Variants in EPHA6 observed in about 807,000 individuals in gnomAD.
The protein encoded by EPHA6 is ephrin type-A receptor 6.
A neutral mutation model predicts 112.0 loss-of-function variants in EPHA6; 50 were observed. That is an observed-to-expected ratio of 0.45 (90% CI 0.36 to 0.56). The LOEUF (loss-of-function observed/expected upper bound fraction) is 0.56, where lower values mean the gene tolerates loss of function less well. Among genes scored for constraint, EPHA6 ranks in the 20% least tolerant of loss-of-function variants. The pLI is 0.00. For missense variants in EPHA6, 1,280 were observed against 1,417.4 expected (o/e 0.90, Z 1.56); for synonymous variants, 529 against 490.7 (o/e 1.08, Z -1.03).
At chr3:97,427,414 T>G (rs1377191253) in intron 6 of EPHA6, among the ~76,000 whole-genome samples, 1 of 152,126 alleles carries the variant, frequency 6.6e-6, no homozygotes, top group African/African-American at 2.4e-5. Context: ...CTGGAGGCCA[T>G]CATCCTTTGC....
At chr3:96,905,641 A>T (rs1311368402) in intron 2 of EPHA6, among the ~76,000 whole-genome samples, 5 of 151,990 alleles carry the variant, frequency 3.3e-5, no homozygotes, top group African/African-American at 1.2e-4. Context: ...TGTTTTTTTC[A>T]CTTGTGGAAA....
chr3:97,441,335 A>G (rs1339193381), intron 6 of EPHA6: 2 of 396,640 alleles, frequency 5.0e-6, no homozygotes, highest in Non-Finnish European at 6.8e-6. Flanking sequence ...TTTATTGAGA[A>G]AAACATAAAA....
At chr3:97,022,172 G>T (rs532961182) in intron 3 of EPHA6, among the ~76,000 whole-genome samples, 2 of 152,090 alleles carry the variant, frequency 1.3e-5, no homozygotes, top group South Asian at 4.1e-4. Flanking sequence ...GATCCATGGT[G>T]TTATCCTAAA....
At chr3:97,159,753 T>C (rs1198584267) in intron 3 of EPHA6, among the ~76,000 whole-genome samples, 1 of 152,154 alleles carries the variant, frequency 6.6e-6, no homozygotes, top group African/African-American at 2.4e-5. Flanking sequence ...CCATACCTCC[T>C]TTGCTGAGTG....
chr3:97,691,106 A>G (rs916119009), intron 14 of EPHA6, among the ~76,000 whole-genome samples: 3 of 152,170 alleles, frequency 2.0e-5, no homozygotes, highest in Non-Finnish European at 4.4e-5. Flanking sequence ...ATTTTGAATT[A>G]ATTCTTGCAT....
At chr3:96,965,495 AG>A (rs1185129563) in intron 2 of EPHA6, among the ~76,000 whole-genome samples, 9 of 152,062 alleles carry the variant, frequency 5.9e-5, no homozygotes, top group Non-Finnish European at 1.2e-4. Context: ...ATAACATCTG[AG>A]TATTTTAAAA....
intron 3 of EPHA6, among the ~76,000 whole-genome samples, chr3:97,010,740 C>T (rs1468617028): frequency 3.3e-5 from 5 of 152,086 alleles, no homozygotes; most frequent in East Asian, 1.9e-4. Context: ...CACACTGCAA[C>T]CTCCACCTCC....
chr3:97,075,302 A>G (rs1397358898), intron 3 of EPHA6, among the ~76,000 whole-genome samples: 1 of 152,036 alleles, frequency 6.6e-6, no homozygotes, highest in East Asian at 1.9e-4. Context: ...ATCAATTAAT[A>G]TATTAGGCAA....
At chr3:97,137,191 T>C (rs1477376685) in intron 3 of EPHA6, among the ~76,000 whole-genome samples, 1 of 152,160 alleles carries the variant, frequency 6.6e-6, no homozygotes, top group African/African-American at 2.4e-5. Context: ...TTTTACAAAT[T>C]ATTTGGATGG....
intron 1 of EPHA6, among the ~76,000 whole-genome samples, chr3:96,849,128 G>A (rs1237758639): frequency 2.6e-5 from 4 of 152,092 alleles, no homozygotes; most frequent in Non-Finnish European, 5.9e-5. Context: ...TTTAGAAATT[G>A]CTGACCAAAT....
At chr3:96,953,945 T>C (rs999854007) in intron 2 of EPHA6, among the ~76,000 whole-genome samples, 1 of 152,078 alleles carries the variant, frequency 6.6e-6, no homozygotes, top group African/African-American at 2.4e-5. Flanking sequence ...CAATCTCAGC[T>C]CACTGCAACC....
chr3:97,167,349 C>A (rs2076565877), intron 3 of EPHA6, among the ~76,000 whole-genome samples: 1 of 152,072 alleles, frequency 6.6e-6, no homozygotes, highest in Non-Finnish European at 1.5e-5. Flanking sequence ...TTTCCTCTAT[C>A]TCAGAAATTC....
intron 3 of EPHA6, among the ~76,000 whole-genome samples, chr3:97,137,238 T>C (rs75439213): frequency 0.013 from 1,993 of 152,258 alleles, 23 homozygotes; most frequent in Non-Finnish European, 0.02. Context: ...GCCTATGGTA[T>C]GTGTTTACAG....
At chr3:97,301,478 C>G (rs780760122) in intron 5 of EPHA6, among the ~76,000 whole-genome samples, 3 of 152,078 alleles carry the variant, frequency 2.0e-5, no homozygotes, top group Non-Finnish European at 4.4e-5. Context: ...CACAATAGAA[C>G]TATGAAATAA....
At position 97,726,942 on chromosome 3, in the gene EPHA6, C is replaced by A. The variant is rs369384578; in HGVS notation, c.2934+6532C>A. 8.3e-4 allele frequency among the ~76,000 whole-genome samples: 127 copies of A among 152,154 alleles called. 4 individuals carry two copies. The highest frequency in any genetic ancestry group is 2.9e-4 in the Non-Finnish European group (20 of 67,972). On this transcript the variant is annotated intron_variant, in intron 15 of 17. Transcript: ENST00000389672. ...TAAATGAGAGGTGACTTAGCTCAAG[C>A]TAATGATCTAAATGTAAGATTGCAG...
At chr3:97,437,402 T>C (rs1013721067) in intron 6 of EPHA6, among the ~76,000 whole-genome samples, 5 of 152,224 alleles carry the variant, frequency 3.3e-5, no homozygotes, top group African/African-American at 7.2e-5. Flanking sequence ...ATGGTTTAAC[T>C]TTGAAAATGT....
intron 3 of EPHA6, among the ~76,000 whole-genome samples, chr3:97,073,811 T>C (rs1457002860): frequency 6.6e-6 from 1 of 152,054 alleles, no homozygotes; most frequent in African/African-American, 2.4e-5. Flanking sequence ...AGTGTATTAG[T>C]CTCTCCTTTG....
Position 97,748,594 on chromosome 3 carries a change from A to G in EPHA6, c.3286A>G (p.Arg1096Gly). 1 of 1,581,778 alleles carries G rather than the reference A, an allele frequency of 6.3e-7. No individual in the cohort carries two copies. The highest frequency in any genetic ancestry group is 8.7e-7 in the Non-Finnish European group (1 of 1,151,582). ...LISRMSIDDIRRIGVILIGHQ... is the reference protein window; with the variant it reads ...LISRMSIDDIGRIGVILIGHQ... Reference sequence around the variant, plus strand: ...CTCTCTCCTTTCTTTCAGTGACATTAGAAGAATTGGAGTCATACTTATTGG... The same window carrying G: ...CTCTCTCCTTTCTTTCAGTGACATTGGAAGAATTGGAGTCATACTTATTGG... The change falls in exon 18 of 18, where the codon AGA becomes GGA. Residue 1096 changes from arginine (R) to glycine (G), a missense_variant. Arg to Gly is a moderately radical substitution (Grantham distance 125). This residue lies in a region of EPHA6 where 145 missense variants were observed against 153.3 expected (regional missense o/e 0.95). Coordinates refer to ENST00000389672, the MANE Select transcript of EPHA6 (RefSeq NM_001080448.3).
intron 13 of EPHA6, among the ~76,000 whole-genome samples, chr3:97,620,611 A>C (rs1041738883): frequency 2.0e-4 from 30 of 152,268 alleles, no homozygotes; most frequent in African/African-American, 6.7e-4. Context: ...GTCAAAGGAC[A>C]TGAACAGACA....
Sources: allele counts gnomAD v4.1 joint callset (sites outside exome capture counted in the v4.1 genomes callset), GRCh38; gene constraint gnomAD v4.1.1; regional missense constraint gnomAD v4.1.1; transcripts MANE v1.5; gene names NCBI Gene and HGNC (gene_info 2026-07-23, HGNC 2026-07-21).